The following PRUNE2 variants were observed in gnomAD, a reference collection of about 807,000 sequenced individuals.
PRUNE2 encodes protein prune homolog 2.
Under a neutral mutation model 252.0 loss-of-function variants are expected in PRUNE2, and 164 were observed. The observed-to-expected ratio is 0.65, with a 90% CI of 0.57 to 0.74. The LOEUF (loss-of-function observed/expected upper bound fraction) is 0.74, where lower values mean the gene tolerates loss of function less well. Ranked by LOEUF, PRUNE2 falls within the 30% of genes least tolerant of loss-of-function variation. PRUNE2 has a pLI of 0.00. For synonymous variants in PRUNE2, 1,292 were observed against 1,350.2 expected (o/e 0.96, Z 0.94); for missense variants, 3,495 against 3,711.0 (o/e 0.94, Z 1.51).
At chr9:76,899,260 C>T (rs182339578) in intron 1 of PRUNE2, among the ~76,000 whole-genome samples, 16 of 152,296 alleles carry the variant, frequency 1.1e-4, no homozygotes, top group African/African-American at 2.6e-4. Context: ...GCTTTTAGTG[C>T]CCCATTCCTC....
intron 2 of PRUNE2, among the ~76,000 whole-genome samples, chr9:76,851,491 T>C (rs149246926): frequency 1.3e-5 from 2 of 151,032 alleles, no homozygotes; most frequent in Non-Finnish European, 2.9e-5. Flanking sequence ...GAGCTTGCAG[T>C]GAGCCAAGAT....
chr9:76,689,366 CT>C (rs1189832733), intron 9 of PRUNE2, among the ~76,000 whole-genome samples: 1 of 151,872 alleles, frequency 6.6e-6, no homozygotes, highest in African/African-American at 2.4e-5. Context: ...GATTTCTTTT[CT>C]TTTTTTGAGA....
intron 6 of PRUNE2, among the ~76,000 whole-genome samples, chr9:76,803,789 T>C (rs914845788): frequency 4.6e-5 from 7 of 152,176 alleles, no homozygotes; most frequent in African/African-American, 1.7e-4. Context: ...GGTAGAAAAC[T>C]TAGCACTTCG....
chr9:76,647,989 CA>C (rs1189969380), intron 11 of PRUNE2, among the ~76,000 whole-genome samples: 1 of 151,946 alleles, frequency 6.6e-6, no homozygotes, highest in African/African-American at 2.4e-5. Flanking sequence ...AACAAAAACT[CA>C]ACAATAAGAA....
At chr9:76,718,759 C>T (rs913672130) in intron 6 of PRUNE2, among the ~76,000 whole-genome samples, 3 of 152,124 alleles carry the variant, frequency 2.0e-5, no homozygotes, top group African/African-American at 7.2e-5. Context: ...ACAGAATCTA[C>T]ATGCACATGA....
At chr9:76,841,355 C>T (rs912031796) in intron 4 of PRUNE2, among the ~76,000 whole-genome samples, 2 of 152,212 alleles carry the variant, frequency 1.3e-5, no homozygotes, top group African/African-American at 4.8e-5. Context: ...CCTACACCAC[C>T]AAGGCCCTGG....
chr9:76,668,028 G>A (rs911999804), intron 9 of PRUNE2, among the ~76,000 whole-genome samples: 1 of 152,166 alleles, frequency 6.6e-6, no homozygotes, highest in Non-Finnish European at 1.5e-5. Flanking sequence ...TTTTCTTAAA[G>A]TTGAATATAT....
intron 6 of PRUNE2, among the ~76,000 whole-genome samples, chr9:76,721,510 G>GT (rs1473399508): frequency 1.3e-5 from 2 of 152,092 alleles, no homozygotes; most frequent in African/African-American, 2.4e-5. Context: ...TTATTTCTGG[G>GT]TTTTTTTGTT....
chr9:76,789,094 A>G (rs1430088388), intron 6 of PRUNE2, among the ~76,000 whole-genome samples: 2 of 152,176 alleles, frequency 1.3e-5, no homozygotes, highest in Admixed American at 6.5e-5. Context: ...AGATATGTTT[A>G]CATTTTTGTG....
At chr9:76,813,032 G>A (rs552570161) in intron 6 of PRUNE2, among the ~76,000 whole-genome samples, 3 of 152,036 alleles carry the variant, frequency 2.0e-5, no homozygotes, top group Non-Finnish European at 4.4e-5. Flanking sequence ...TGTTCTTGGG[G>A]TCATTTACAT....
intron 6 of PRUNE2, among the ~76,000 whole-genome samples, chr9:76,783,130 C>T (rs938389294): frequency 2.0e-5 from 3 of 152,010 alleles, no homozygotes; most frequent in Non-Finnish European, 4.4e-5. Context: ...TCTGACTATG[C>T]CTTTTTTTGT....
chr9:76,851,560 AAC>A (rs1554809068), intron 2 of PRUNE2, among the ~76,000 whole-genome samples: 5 of 150,742 alleles, frequency 3.3e-5, no homozygotes, highest in African/African-American at 7.3e-5. Flanking sequence ...AAAAAAAAAA[AAC>A]ACACACACAC....
intron 4 of PRUNE2, among the ~76,000 whole-genome samples, chr9:76,843,464 G>A (rs58036270): frequency 0.087 from 13,241 of 151,958 alleles, 719 homozygotes; most frequent in East Asian, 0.15. Flanking sequence ...CAGAACTTAA[G>A]GTATAATTTT....
chr9:76,644,053 A>G (rs4744800), intron 12 of PRUNE2, among the ~76,000 whole-genome samples: 1 of 151,920 alleles, frequency 6.6e-6, no homozygotes, highest in Non-Finnish European at 1.5e-5. Flanking sequence ...TGACAATGTT[A>G]AATGTGTTGC....
At chr9:76,699,210 C>T (rs541513059) in intron 9 of PRUNE2, among the ~76,000 whole-genome samples, 1 of 152,134 alleles carries the variant, frequency 6.6e-6, no homozygotes, top group African/African-American at 2.4e-5. Context: ...TCGATTATCA[C>T]ATTTTCATAT....
chr9:76,716,875 T>A (rs947701105), intron 6 of PRUNE2, among the ~76,000 whole-genome samples: 2 of 151,910 alleles, frequency 1.3e-5, no homozygotes, highest in African/African-American at 4.8e-5. Context: ...GTGTTCTCAT[T>A]GTTCAACTCC....
Position 76,905,940 on chromosome 9 carries a change from G to C in PRUNE2, c.24C>G (p.Ala8=). Residue 8 remains alanine, a synonymous_variant, in exon 1 of 19, where the codon GCC becomes GCG. Coordinates refer to ENST00000376718, the MANE Select transcript of PRUNE2 (RefSeq NM_015225.3). The stretch of plus-strand genomic sequence containing the variant: ...TCACTCAACTTACCAGTTTAGATTT[G>C]GCGCGTTGCAAAAATTCTTCCATGT... The part of the protein sequence containing the change: MEEFLQR[A]KSKLNRSKRL... 1 of 1,614,156 alleles carries C rather than the reference G, an allele frequency of 6.2e-7. No individual in the cohort carries two copies. Among genetic ancestry groups the C allele is most frequent in the Non-Finnish European group, 8.5e-7 (1 of 1,180,018 alleles).
At chr9:76,809,119 T>C (rs1470149529) in intron 6 of PRUNE2, among the ~76,000 whole-genome samples, 1 of 152,154 alleles carries the variant, frequency 6.6e-6, no homozygotes, top group Non-Finnish European at 1.5e-5. Context: ...TCCTTTACAT[T>C]TAGTTTCAAC....
chr9:76,690,878 T>C (rs1470471755), intron 9 of PRUNE2, among the ~76,000 whole-genome samples: 2 of 152,210 alleles, frequency 1.3e-5, no homozygotes, highest in Non-Finnish European at 2.9e-5. Context: ...TTCAGTACCC[T>C]AAAAATGTTT....
Sources: allele counts gnomAD v4.1 joint callset (sites outside exome capture counted in the v4.1 genomes callset), GRCh38; gene constraint gnomAD v4.1.1; transcripts MANE v1.5; gene names NCBI Gene and HGNC (gene_info 2026-07-23, HGNC 2026-07-21).